Variants in PEX14 observed in about 807,000 individuals in gnomAD.
PEX14 encodes the protein peroxisomal biogenesis factor 14.
In PEX14, 15 loss-of-function variants were observed where a neutral mutation model predicts 49.5. The ratio of observed to expected loss-of-function variants is 0.30; its 90% CI spans 0.20 to 0.47. The LOEUF is 0.47. Among genes scored for constraint, PEX14 ranks in the 20% least tolerant of loss-of-function variants. The pLI, the probability that PEX14 is intolerant of heterozygous loss-of-function variation, is 1.00. For missense variants in PEX14, 398 were observed against 494.8 expected, an observed-to-expected ratio of 0.80 and a Z score of 1.86; for synonymous variants, 210 against 212.7, an observed-to-expected ratio of 0.99 and a Z score of 0.11.
intron 3 of PEX14, among the ~76,000 whole-genome samples, chr1:10,573,439 A>T (rs1270480610): frequency 6.6e-6 from 1 of 152,140 alleles, no homozygotes; most frequent in African/African-American, 2.4e-5. Flanking sequence ...TGTACAAAAG[A>T]CTCAAATATT....
chr1:10,525,925 A>ATTTTTT (rs35410807), intron 2 of PEX14, among the ~76,000 whole-genome samples: 4 of 131,552 alleles, frequency 3.0e-5, no homozygotes, highest in Non-Finnish European at 3.2e-5. Context: ...CGCCTGGCTG[A>ATTTTTT]TTTTTTTTTT....
chr1:10,614,450 G>GGGA (rs563117956), intron 4 of PEX14, among the ~76,000 whole-genome samples: 1,579 of 152,212 alleles, frequency 0.01, 32 homozygotes, highest in African/African-American at 0.036. Flanking sequence ...GTTTCTTGGG[G>GGGA]CTGGAATAGC....
chr1:10,607,114 T>A (rs1641149047), intron 4 of PEX14, among the ~76,000 whole-genome samples: 1 of 152,212 alleles, frequency 6.6e-6, no homozygotes, highest in South Asian at 2.1e-4. Context: ...TTTTCTTTTT[T>A]TAATATAAAT....
At chr1:10,506,024 A>T (rs2124425903) in intron 2 of PEX14, among the ~76,000 whole-genome samples, 1 of 152,206 alleles carries the variant, frequency 6.6e-6, no homozygotes, top group Middle Eastern at 3.4e-3. Flanking sequence ...ATCAATAAGA[A>T]CATATTTTTA....
intron 2 of PEX14, among the ~76,000 whole-genome samples, chr1:10,519,075 C>A (rs1423622172): frequency 6.6e-6 from 1 of 152,138 alleles, no homozygotes; most frequent in Non-Finnish European, 1.5e-5. Flanking sequence ...CGTTGTCCAA[C>A]AGGGGGTGAA....
intron 1 of PEX14, among the ~76,000 whole-genome samples, chr1:10,476,544 A>G (rs756959188): frequency 5.9e-5 from 9 of 152,146 alleles, no homozygotes; most frequent in Admixed American, 4.6e-4. Context: ...TCTGTCGCCC[A>G]TGCTGGAGTG....
chr1:10,618,069 C>G (rs1641478642), intron 4 of PEX14, among the ~76,000 whole-genome samples: 1 of 152,244 alleles, frequency 6.6e-6, no homozygotes, highest in Admixed American at 6.5e-5. Flanking sequence ...CAGGTCTCAG[C>G]TCACTGCTAG....
intron 2 of PEX14, among the ~76,000 whole-genome samples, chr1:10,507,906 C>T (rs540209146): frequency 6.6e-6 from 1 of 152,332 alleles, no homozygotes; most frequent in East Asian, 1.9e-4. Flanking sequence ...ATAGAGATGT[C>T]TTTAAGAGAG....
intron 1 of PEX14, among the ~76,000 whole-genome samples, chr1:10,483,924 A>G (rs1641325484): frequency 9.8e-6 from 1 of 102,132 alleles, no homozygotes; most frequent in African/African-American, 4.6e-5. Context: ...AGAATTTCAT[A>G]TGAATGAATT....
At chr1:10,476,964 T>G (rs1354357365) in intron 1 of PEX14, among the ~76,000 whole-genome samples, 1 of 152,160 alleles carries the variant, frequency 6.6e-6, no homozygotes, top group Non-Finnish European at 1.5e-5. Flanking sequence ...GGCATGGCCA[T>G]CACTTGTTTG....
intron 2 of PEX14, chr1:10,535,851 T>A: frequency 2.8e-6 from 1 of 358,122 alleles, no homozygotes; most frequent in East Asian, 7.2e-5. Flanking sequence ...AAGGGAGGCC[T>A]TCCAGAAAGA....
At position 10,517,690 on chromosome 1, in the gene PEX14, A is replaced by AT. The variant is rs60778161; in HGVS notation, c.85-18509dup. On this transcript the variant is annotated intron_variant, in intron 2 of 8. Transcript: ENST00000356607. ...TTCTAAATGGGAAGCAGAACCTGTG[A>AT]TTTTTTTTTTTTTTAAATGAAGGTT... 5.8e-3 allele frequency among the ~76,000 whole-genome samples: 791 copies of AT among 135,836 alleles called. 1 individual carries two copies. Among genetic ancestry groups the AT allele is most frequent in the African/African-American group, 0.018 (638 of 34,652 alleles). 89.1% of individuals were successfully genotyped at this position (135,836 alleles called of 152,430 possible). A position where few individuals can be genotyped will look rare whatever the true frequency, so the allele number is the denominator to read the frequency against.
rs1168874356 is a variant in PEX14, at chr1:10,597,214, C to T, written c.170-2024C>T. On this transcript the variant is annotated intron_variant, in intron 3 of 8. Transcript: ENST00000356607. The surrounding 1 kb of genome is among the most constrained non-coding windows in gnomAD (Gnocchi z 5.7). ...GAAAATTATCTTCATTTGCAGCCAG[C>T]GGCTGACAAGGCACACGAACCACCA... is the stretch of plus-strand genomic sequence containing the variant. Among the ~76,000 whole-genome samples the T allele has an allele frequency of 5.9e-5, 9 of 152,232 alleles. No individual in the cohort carries two copies. The highest frequency in any genetic ancestry group is 1.2e-4 in the Non-Finnish European group (8 of 68,048).
intron 3 of PEX14, among the ~76,000 whole-genome samples, chr1:10,577,802 C>T (rs901297959): frequency 6.7e-5 from 10 of 149,978 alleles, no homozygotes; most frequent in African/African-American, 2.0e-4. Context: ...ACGGTTTCAC[C>T]GTGTTAGCCA....
chr1:10,549,129 G>GA (rs993841341), intron 3 of PEX14, among the ~76,000 whole-genome samples: 12 of 148,676 alleles, frequency 8.1e-5, no homozygotes, highest in East Asian at 7.8e-4. Flanking sequence ...GGTATGTCAG[G>GA]AAAAAAAAAA....
intron 8 of PEX14, 41 bp downstream of exon 8, chr1:10,627,404 G>A: frequency 1.4e-6 from 2 of 1,396,978 alleles, no homozygotes; most frequent in Non-Finnish European, 1.0e-6. Flanking sequence ...GTCGGGCCTG[G>A]AAAGGAGGAC....
At chr1:10,626,887 A>T (rs1455869150) in intron 7 of PEX14, among the ~76,000 whole-genome samples, 1 of 152,224 alleles carries the variant, frequency 6.6e-6, no homozygotes, top group Non-Finnish European at 1.5e-5. Context: ...AAAGGTGTGC[A>T]TGGAAGGATG....
intron 4 of PEX14, among the ~76,000 whole-genome samples, chr1:10,599,927 C>T (rs879633103): frequency 3.3e-5 from 5 of 152,084 alleles, no homozygotes; most frequent in African/African-American, 9.7e-5. Flanking sequence ...TTTAATTATA[C>T]GAGATCATGA....
At chr1:10,498,656 A>G (rs1049804100) in intron 2 of PEX14, among the ~76,000 whole-genome samples, 5 of 152,238 alleles carry the variant, frequency 3.3e-5, no homozygotes, top group Admixed American at 6.5e-5. Context: ...ACCCAGCAAC[A>G]TTGACCGTCT....
Sources: gnomAD v4.1 joint callset for allele counts (sites outside exome capture counted in the v4.1 genomes callset) on GRCh38, gnomAD v4.1.1 for gene constraint, Gnocchi (gnomAD v3.1) non-coding constraint, MANE v1.5 for transcripts, NCBI Gene and HGNC (gene_info 2026-07-23, HGNC 2026-07-21) for gene names.